The following SEPTIN9 variants were observed in gnomAD, a reference collection of about 807,000 sequenced individuals.
The protein encoded by SEPTIN9 is septin-9.
Under a neutral mutation model 56.6 loss-of-function variants are expected in SEPTIN9, and 13 were observed. That is an observed-to-expected ratio of 0.23 (90% CI 0.15 to 0.37). The LOEUF is 0.37. Ranked by LOEUF, SEPTIN9 falls within the 10% of genes least tolerant of loss-of-function variation. The probability of loss-of-function intolerance (pLI) is 1.00; values close to 1 mark genes in which losing one functional copy is unlikely to be tolerated. For missense variants in SEPTIN9, 650 were observed against 823.1 expected (o/e 0.79, Z 2.57); for synonymous variants, 332 against 334.1 (o/e 0.99, Z 0.07).
At chr17:77,419,482 C>T (rs1435665984) in intron 3 of SEPTIN9, among the ~76,000 whole-genome samples, 1 of 152,056 alleles carries the variant, frequency 6.6e-6, no homozygotes, top group African/African-American at 2.4e-5. Flanking sequence ...CCGTAATCAG[C>T]AGCAGCCACC....
chr17:77,357,002 G>A (rs2034275285), intron 2 of SEPTIN9, among the ~76,000 whole-genome samples: 2 of 151,794 alleles, frequency 1.3e-5, no homozygotes, highest in African/African-American at 4.8e-5. Flanking sequence ...GGAAGCTGTC[G>A]GCCAGACGTC....
chr17:77,338,575 C>T (rs775380344), intron 2 of SEPTIN9, among the ~76,000 whole-genome samples: 2 of 152,096 alleles, frequency 1.3e-5, no homozygotes, highest in Admixed American at 6.5e-5. Context: ...CCTGCCACCA[C>T]GCCTGGCTAA....
At position 77,435,626 on chromosome 17, in the gene SEPTIN9, T is replaced by A. The variant is rs2037308663; in HGVS notation, c.721+32923T>A. Among the ~76,000 whole-genome samples, 1 of 152,326 alleles carries A rather than the reference T, an allele frequency of 6.6e-6. No homozygotes were observed. Among genetic ancestry groups the A allele is most frequent in the East Asian group, 1.9e-4 (1 of 5,182 alleles). ...TCTCACACATGTCACTCCCAAAGGA[T>A]GTTGACACAGAATGAAGCAGCTAGG... On this transcript the variant is annotated intron_variant, in intron 3 of 11. Coordinates refer to ENST00000427177, the MANE Select transcript of SEPTIN9 (RefSeq NM_001113491.2). This position sits in a 1 kb window ranked among gnomAD's most constrained non-coding sequence, Gnocchi z 4.5.
At chr17:77,474,062 C>T (rs1316964211) in intron 3 of SEPTIN9, among the ~76,000 whole-genome samples, 1 of 152,186 alleles carries the variant, frequency 6.6e-6, no homozygotes, top group Admixed American at 6.5e-5. Context: ...ATAGCTTCTC[C>T]CTCCACCCAC....
chr17:77,467,633 T>C (rs1167052434), intron 3 of SEPTIN9, among the ~76,000 whole-genome samples: 2 of 152,180 alleles, frequency 1.3e-5, no homozygotes, highest in African/African-American at 2.4e-5. Context: ...TCCGCCTTAA[T>C]GCTTTGTGGC....
chr17:77,441,066 G>A lies in SEPTIN9; in HGVS notation c.721+38363G>A, dbSNP rs572025183. 9.2e-5 allele frequency among the ~76,000 whole-genome samples: 14 copies of A among 152,320 alleles called. No homozygotes were observed. The East Asian group carries it at 1.9e-3, about 21-fold the overall frequency. ...AAACAGATGGAGGGGCTATTCCAGC[G>A]TTTTCTCAGCCTCTGGTGTGCTGGG... is the stretch of plus-strand genomic sequence containing the variant. On this transcript the variant is annotated intron_variant, in intron 3 of 11. Transcript: ENST00000427177.
intron 3 of SEPTIN9, among the ~76,000 whole-genome samples, chr17:77,455,320 G>C (rs548178371): frequency 1.3e-5 from 2 of 152,272 alleles, no homozygotes; most frequent in South Asian, 4.2e-4. Context: ...TCAGGAAGGG[G>C]GCCCTTCGCT....
chr17:77,498,809 G>C lies in SEPTIN9; in HGVS notation c.*151G>C. Reference sequence around the variant, plus strand: ...ATGCTGCCAGGAAACAAGGGAAGGGGCCTCCCTCCGAGTGAGTCAGTGATG... The same window carrying C: ...ATGCTGCCAGGAAACAAGGGAAGGGCCCTCCCTCCGAGTGAGTCAGTGATG... On this transcript the variant is annotated 3_prime_UTR_variant, in exon 12 of 12. Transcript: ENST00000427177. The C allele has an allele frequency of 1.6e-6, 1 of 642,006 alleles. No individual in the cohort carries two copies. Among genetic ancestry groups the C allele is most frequent in the Non-Finnish European group, 2.8e-6 (1 of 351,990 alleles). 39.8% of individuals were successfully genotyped at this position (642,006 alleles called of 1,614,324 possible). A position where few individuals can be genotyped will look rare whatever the true frequency, so the allele number is the denominator to read the frequency against.
At chr17:77,352,617 A>C (rs1261303960) in intron 2 of SEPTIN9, among the ~76,000 whole-genome samples, 1 of 151,968 alleles carries the variant, frequency 6.6e-6, no homozygotes, top group East Asian at 1.9e-4. Flanking sequence ...CCTGGCCTTC[A>C]CCCTGTGTCT....
intron 3 of SEPTIN9, among the ~76,000 whole-genome samples, chr17:77,438,702 TC>T (rs1299355036): frequency 6.6e-6 from 1 of 152,192 alleles, no homozygotes; most frequent in African/African-American, 2.4e-5. Context: ...GTGGACACCT[TC>T]CCTGTAGCCT....
chr17:77,466,964 A>G (rs2038764184), intron 3 of SEPTIN9, among the ~76,000 whole-genome samples: 1 of 152,172 alleles, frequency 6.6e-6, no homozygotes, highest in African/African-American at 2.4e-5. Flanking sequence ...TGTGGGGGTC[A>G]GGGCTGGGTC....
chr17:77,374,339 C>G (rs954363938), intron 2 of SEPTIN9: 1 of 152,508 alleles, frequency 6.6e-6, no homozygotes, highest in Non-Finnish European at 1.5e-5. Flanking sequence ...CTGGGTCTGG[C>G]GTCCGCGTCT....
intron 3 of SEPTIN9, among the ~76,000 whole-genome samples, chr17:77,455,019 G>T (rs576853153): frequency 6.6e-6 from 1 of 152,078 alleles, no homozygotes; most frequent in Non-Finnish European, 1.5e-5. Flanking sequence ...CCCCCTGGCC[G>T]GCCGGCCTAA....
At chr17:77,403,385 T>C (rs2035967337) in intron 3 of SEPTIN9, among the ~76,000 whole-genome samples, 1 of 152,190 alleles carries the variant, frequency 6.6e-6, no homozygotes, top group African/African-American at 2.4e-5. Flanking sequence ...ACGGTTTTAT[T>C]TGGGGGTGCC....
At position 77,500,507 on chromosome 17, in the gene SEPTIN9, G is replaced by T. The variant is rs1308590504; in HGVS notation, c.*1849G>T. 3.8e-5 allele frequency: 8 copies of T among 213,058 alleles called. No homozygotes were observed. The highest frequency in any genetic ancestry group is 1.9e-4 in the South Asian group (1 of 5,338). 13.2% of individuals were successfully genotyped at this position (213,058 alleles called of 1,614,324 possible). A position where few individuals can be genotyped will look rare whatever the true frequency, so the allele number is the denominator to read the frequency against. ...GTTCCTCAATGGCCTTTTGCTACGT[G>T]CCTCCCGAGAAATTTGTCTTTTTGT... On this transcript the variant is annotated 3_prime_UTR_variant, in exon 12 of 12. Transcript: ENST00000427177.
At chr17:77,407,790 G>A (rs1158688277) in intron 3 of SEPTIN9, among the ~76,000 whole-genome samples, 4 of 152,216 alleles carry the variant, frequency 2.6e-5, no homozygotes, top group African/African-American at 4.8e-5. Flanking sequence ...ACAGAAGGGC[G>A]CTCATCCTTT....
At position 77,498,677 on chromosome 17, in the gene SEPTIN9, C is replaced by CCCGGGA; in HGVS notation, c.*20_*21insCGGGAC. ...GATGTAGACGCCACCCTGCCCACCCCCGGGATCCTGCCCCCAAGTCATTTC... is the reference window on the plus strand; with the variant it reads ...GATGTAGACGCCACCCTGCCCACCCCCCGGGACGGGATCCTGCCCCCAAGTCATTTC... On this transcript the variant is annotated 3_prime_UTR_variant, in exon 12 of 12. Transcript: ENST00000427177. The CCCGGGA allele has an allele frequency of 6.6e-7, 1 of 1,521,670 alleles. No individual in the cohort carries two copies. Among genetic ancestry groups the CCCGGGA allele is most frequent in the Admixed American group, 1.9e-5 (1 of 53,592 alleles). The allele number at this position is 1,521,670 out of a possible 1,614,324, so 94.3% of individuals were successfully genotyped here. A position where few individuals can be genotyped will look rare whatever the true frequency, so the allele number is the denominator to read the frequency against.
intron 1 of SEPTIN9, among the ~76,000 whole-genome samples, chr17:77,298,363 G>A (rs1398714603): frequency 6.6e-6 from 1 of 152,232 alleles, no homozygotes; most frequent in East Asian, 1.9e-4. Context: ...TAGCTGCCCA[G>A]TGTACTGGAC....
intron 2 of SEPTIN9, among the ~76,000 whole-genome samples, chr17:77,337,048 C>T (rs1458889096): frequency 4.1e-5 from 6 of 144,876 alleles, no homozygotes; most frequent in African/African-American, 1.5e-4. Flanking sequence ...CTTGCCCAGG[C>T]TGTAGCACAG....
Sources: gnomAD v4.1 joint callset for allele counts (sites outside exome capture counted in the v4.1 genomes callset) on GRCh38, gnomAD v4.1.1 for gene constraint, Gnocchi (gnomAD v3.1) non-coding constraint, MANE v1.5 for transcripts, NCBI Gene and HGNC (gene_info 2026-07-23, HGNC 2026-07-21) for gene names.